The following ABTB3 variants were observed in gnomAD, a reference collection of about 807,000 sequenced individuals.
ABTB3 encodes ankyrin repeat and BTB domain containing 3.
chr12:107,594,666 C>G, the ABTB3 span, among the ~76,000 whole-genome samples: 1 of 151,918 alleles, frequency 6.6e-6, no homozygotes, highest in Non-Finnish European at 1.5e-5. Flanking sequence ...GACTGGAAGC[C>G]CATGAAAGGG....
the ABTB3 span, among the ~76,000 whole-genome samples, chr12:107,347,387 C>T: frequency 6.6e-6 from 1 of 152,112 alleles, no homozygotes; most frequent in South Asian, 2.1e-4. Flanking sequence ...ACAACTACCC[C>T]AAAACATATT....
the ABTB3 span, among the ~76,000 whole-genome samples, chr12:107,482,972 C>CT: frequency 1.7e-4 from 10 of 59,162 alleles, no homozygotes; most frequent in Middle Eastern, 0.015. Context: ...TTCTTTCTTT[C>CT]TTTCTTTCTT....
chr12:107,534,230 T>G, the ABTB3 span, among the ~76,000 whole-genome samples: 1 of 145,970 alleles, frequency 6.9e-6, no homozygotes, highest in Admixed American at 6.8e-5. Flanking sequence ...AAAAAAAATT[T>G]AAGAAATTCC....
the ABTB3 span, among the ~76,000 whole-genome samples, chr12:107,325,411 A>G: frequency 6.6e-6 from 1 of 152,212 alleles, no homozygotes; most frequent in African/African-American, 2.4e-5. Context: ...CAGCTGTAGC[A>G]GTATCTGTGC....
the ABTB3 span, among the ~76,000 whole-genome samples, chr12:107,584,295 C>T: frequency 2.0e-5 from 3 of 152,234 alleles, no homozygotes; most frequent in African/African-American, 7.2e-5. Flanking sequence ...GTGTACATAG[C>T]TGTCCCCAAC....
chr12:107,554,663 C>T, the ABTB3 span, among the ~76,000 whole-genome samples: 6 of 152,194 alleles, frequency 3.9e-5, no homozygotes, highest in Admixed American at 3.9e-4. Context: ...TGACTTGAAT[C>T]ACCTGGGATC....
At chr12:107,426,936 C>T in the ABTB3 span, among the ~76,000 whole-genome samples, 1 of 152,188 alleles carries the variant, frequency 6.6e-6, no homozygotes, top group African/African-American at 2.4e-5. Flanking sequence ...CCCTTATTCT[C>T]CTGCTTTTTT....
chr12:107,341,490 G>C, the ABTB3 span, among the ~76,000 whole-genome samples: 8 of 152,200 alleles, frequency 5.3e-5, no homozygotes, highest in South Asian at 2.1e-4. Flanking sequence ...TTCTTCAGCT[G>C]TTAAGTGAGG....
At chr12:107,351,276 G>A in the ABTB3 span, among the ~76,000 whole-genome samples, 1 of 152,284 alleles carries the variant, frequency 6.6e-6, no homozygotes, top group East Asian at 1.9e-4. Flanking sequence ...TGAGTTATTT[G>A]CTGAGGGCAC....
the ABTB3 span, among the ~76,000 whole-genome samples, chr12:107,386,584 G>A: frequency 6.6e-6 from 1 of 152,204 alleles, no homozygotes; most frequent in East Asian, 1.9e-4. Flanking sequence ...GATCTGCAGG[G>A]ATTTTGGGTG....
chr12:107,429,728 T>TA, the ABTB3 span, among the ~76,000 whole-genome samples: 6 of 152,228 alleles, frequency 3.9e-5, no homozygotes, highest in African/African-American at 1.4e-4. Flanking sequence ...AATTCACAGA[T>TA]ATGCATGGTC....
At chr12:107,384,029 G>A in the ABTB3 span, among the ~76,000 whole-genome samples, 1 of 152,168 alleles carries the variant, frequency 6.6e-6, no homozygotes, top group Non-Finnish European at 1.5e-5. Context: ...CGGCCCAGGT[G>A]TGCTGAGCAT....
chr12:107,577,513 C>T, the ABTB3 span, among the ~76,000 whole-genome samples: 8 of 152,046 alleles, frequency 5.3e-5, no homozygotes, highest in Non-Finnish European at 1.2e-4. Context: ...AGGCCATGTC[C>T]GTGTATGTTC....
At chr12:107,617,006 C>A in the ABTB3 span, 9 of 1,381,842 alleles carry the variant, frequency 6.5e-6, no homozygotes, top group Admixed American at 1.0e-4. Context: ...GTGCTGGCAT[C>A]TCACCCATCC....
At chr12:107,562,082 G>A in the ABTB3 span, among the ~76,000 whole-genome samples, 8 of 152,284 alleles carry the variant, frequency 5.3e-5, no homozygotes, top group East Asian at 1.5e-3. Flanking sequence ...TGGGACCTCT[G>A]CAGTATCACC....
chr12:107,320,098 C>G, the ABTB3 span: 3 of 1,411,370 alleles, frequency 2.1e-6, no homozygotes, highest in African/African-American at 2.9e-5. Flanking sequence ...GCGGGTGCCA[C>G]TCCCTCTCAC....
At chr12:107,508,102 GGATGGATGGA>G in the ABTB3 span, among the ~76,000 whole-genome samples, 1 of 144,042 alleles carries the variant, frequency 6.9e-6, no homozygotes, top group Non-Finnish European at 1.5e-5. Context: ...ATGGATGGAT[GGATGGATGGA>G]AGAGTAGATG....
chr12:107,635,980 T>C, the ABTB3 span, among the ~76,000 whole-genome samples: 6 of 151,604 alleles, frequency 4.0e-5, no homozygotes, highest in Admixed American at 2.0e-4. Context: ...AATAACCTCT[T>C]CTGGGAGGCG....
the ABTB3 span, among the ~76,000 whole-genome samples, chr12:107,445,779 T>C: frequency 0.02 from 2,968 of 152,154 alleles, 89 homozygotes; most frequent in African/African-American, 0.064. Flanking sequence ...TCCTTGTCTT[T>C]TTGAACGTAT....
Sources: gnomAD v4.1 joint callset for allele counts (sites outside exome capture counted in the v4.1 genomes callset) on GRCh38, gnomAD v4.1.1 for gene constraint, MANE v1.5 for transcripts, NCBI Gene and HGNC (gene_info 2026-07-23, HGNC 2026-07-21) for gene names.